The following CUX1 variants were observed in gnomAD, a reference collection of about 807,000 sequenced individuals.
The protein encoded by CUX1 is cut like homeobox 1.
CUX1 carries 31 observed loss-of-function variants against 158.8 expected under a neutral mutation model. The observed-to-expected ratio is 0.20, with a 90% CI of 0.15 to 0.26. The LOEUF is 0.26. Among genes scored for constraint, CUX1 ranks in the 10% least tolerant of loss-of-function variants. The pLI is 1.00. For synonymous variants in CUX1, 879 were observed against 862.1 expected (o/e 1.02, Z -0.34); for missense variants, 1,589 against 2,014.6 (o/e 0.79, Z 4.04).
At chr7:102,195,292 T>C (rs553226002) in intron 13 of CUX1, among the ~76,000 whole-genome samples, 25 of 152,334 alleles carry the variant, frequency 1.6e-4, no homozygotes, top group Admixed American at 7.2e-4. Context: ...GGAAAATGAC[T>C]TCAACTAGAA....
At chr7:102,158,223 C>T (rs1460894538) in intron 8 of CUX1, among the ~76,000 whole-genome samples, 1 of 152,108 alleles carries the variant, frequency 6.6e-6, no homozygotes, top group Non-Finnish European at 1.5e-5. Context: ...TTTATTTCTC[C>T]CTCTTTTTTT....
intron 2 of CUX1, among the ~76,000 whole-genome samples, chr7:102,025,258 G>A (rs1819851052): frequency 6.6e-6 from 1 of 152,156 alleles, no homozygotes; most frequent in Admixed American, 6.6e-5. Context: ...ACATTCACAG[G>A]CGCCAGCTAT....
intron 8 of CUX1, among the ~76,000 whole-genome samples, chr7:102,124,907 A>C (rs1832448579): frequency 6.6e-6 from 1 of 151,446 alleles, no homozygotes; most frequent in South Asian, 2.1e-4. Context: ...TCAGCCTCCC[A>C]AGTATCTGGG....
chr7:102,241,302 C>T (rs1800182537), intron 23 of CUX1, among the ~76,000 whole-genome samples: 2 of 152,150 alleles, frequency 1.3e-5, no homozygotes, highest in Non-Finnish European at 2.9e-5. Context: ...CTGCTAGAAA[C>T]CAAGAATTCC....
intron 20 of CUX1, among the ~76,000 whole-genome samples, chr7:102,211,546 C>T (rs1019689340): frequency 4.6e-5 from 7 of 151,946 alleles, no homozygotes; most frequent in African/African-American, 1.2e-4. Context: ...TTTGAGAGGC[C>T]GAGGCAGGTG....
intron 1 of CUX1, among the ~76,000 whole-genome samples, chr7:101,914,407 C>T (rs951765942): frequency 3.0e-5 from 4 of 132,116 alleles, no homozygotes; most frequent in Admixed American, 2.3e-4. Flanking sequence ...TCCCTCCCTC[C>T]CTCCCTCTTT....
At chr7:101,896,873 T>G (rs567210545) in intron 1 of CUX1, among the ~76,000 whole-genome samples, 99 of 152,368 alleles carry the variant, frequency 6.5e-4, no homozygotes, top group African/African-American at 2.2e-3. Context: ...ACCAGAAATT[T>G]AGAGACGCAC....
intron 3 of CUX1, among the ~76,000 whole-genome samples, chr7:102,048,504 A>AAGG (rs925545254): frequency 6.6e-6 from 1 of 152,164 alleles, no homozygotes; most frequent in African/African-American, 2.4e-5. Flanking sequence ...ACACACACGT[A>AAGG]AGGGCACATG....
chr7:102,235,426 C>T (rs1216885443), intron 22 of CUX1, among the ~76,000 whole-genome samples: 3 of 151,868 alleles, frequency 2.0e-5, no homozygotes, highest in Non-Finnish European at 4.4e-5. Context: ...AGGGGCCGGG[C>T]ACAGTGGCTC....
chr7:102,116,280 C>T (rs1238247794), intron 8 of CUX1, among the ~76,000 whole-genome samples: 1 of 151,978 alleles, frequency 6.6e-6, no homozygotes, highest in African/African-American at 2.4e-5. Context: ...TGCTCTGGGT[C>T]ATTTAGTAGC....
At chr7:101,843,364 AT>A (rs1457318639) in intron 1 of CUX1, among the ~76,000 whole-genome samples, 8 of 152,150 alleles carry the variant, frequency 5.3e-5, no homozygotes, top group Non-Finnish European at 1.0e-4. Context: ...TAGTTGTGTT[AT>A]ATTAGGATTT....
At position 101,944,161 on chromosome 7, in the gene CUX1, T is replaced by C. The variant is rs1184673169; in HGVS notation, c.141+27936T>C. Among the ~76,000 whole-genome samples the C allele has an allele frequency of 5.9e-5, 9 of 152,036 alleles. 1 individual carries two copies. The highest frequency in any genetic ancestry group is 1.0e-4 in the Non-Finnish European group (7 of 67,998). ...GCCCTGTCCCCACCCAGGGAGACTG[T>C]CCCAGCCCCTCCCGATGGCTCCTTC... On this transcript the variant is annotated intron_variant, in intron 2 of 23. Coordinates refer to ENST00000292535, the MANE Select transcript of CUX1 (RefSeq NM_181552.4).
intron 2 of CUX1, among the ~76,000 whole-genome samples, chr7:101,973,758 C>G (rs1035826800): frequency 6.7e-6 from 1 of 149,384 alleles, no homozygotes. Context: ...GATTCTTTTT[C>G]TTTTTCTTTT....
chr7:101,848,281 C>T (rs749055905), intron 1 of CUX1, among the ~76,000 whole-genome samples: 8 of 151,804 alleles, frequency 5.3e-5, no homozygotes, highest in Admixed American at 1.3e-4. Flanking sequence ...TCTGCTTACA[C>T]GTTAAACCCA....
In CUX1 at chr7:102,253,943, C is replaced by G. The variant is rs1194086984; in HGVS notation, c.*4901C>G. The stretch of plus-strand genomic sequence containing the variant: ...TCATTGTCCCTTCTACCTCACTAAC[C>G]TGTCTTCTCCATCTGATGTCACCCA... On this transcript the variant is annotated 3_prime_UTR_variant, in exon 24 of 24. Transcript: ENST00000292535. 1.0e-6 allele frequency: 1 copy of G among 985,480 alleles called. No homozygotes were observed. The highest frequency in any genetic ancestry group is 1.2e-6 in the Non-Finnish European group (1 of 830,070). The allele number at this position is 985,480 out of a possible 1,614,324, so 61.0% of individuals were successfully genotyped here.
At chr7:102,028,526 G>A (rs1442819814) in intron 3 of CUX1, among the ~76,000 whole-genome samples, 1 of 152,238 alleles carries the variant, frequency 6.6e-6, no homozygotes, top group African/African-American at 2.4e-5. Flanking sequence ...TGTGCCATAA[G>A]TGTGGTGCTT....
intron 8 of CUX1, among the ~76,000 whole-genome samples, chr7:102,152,168 C>T (rs1554503772): frequency 6.6e-6 from 1 of 152,048 alleles, no homozygotes; most frequent in Non-Finnish European, 1.5e-5. Flanking sequence ...ATTGTAAGAC[C>T]CCTGTCTCTA....
chr7:102,023,606 G>A (rs1016992342), intron 2 of CUX1, among the ~76,000 whole-genome samples: 2 of 152,200 alleles, frequency 1.3e-5, no homozygotes, highest in African/African-American at 4.8e-5. Flanking sequence ...GACTATAGGC[G>A]TGAGCCGCCG....
At chr7:102,175,262 C>G (rs1708752206) in intron 10 of CUX1, among the ~76,000 whole-genome samples, 1 of 152,206 alleles carries the variant, frequency 6.6e-6, no homozygotes, top group Non-Finnish European at 1.5e-5. Flanking sequence ...AGCACCTGTC[C>G]CAGATACATT....
Sources: allele counts gnomAD v4.1 joint callset (sites outside exome capture counted in the v4.1 genomes callset), GRCh38; gene constraint gnomAD v4.1.1; transcripts MANE v1.5; gene names NCBI Gene and HGNC (gene_info 2026-07-23, HGNC 2026-07-21).